FRK: variants seen among roughly 807,000 people sequenced by gnomAD.
The protein encoded by FRK is tyrosine-protein kinase FRK.
FRK carries 51 observed loss-of-function variants against 56.4 expected under a neutral mutation model. The observed-to-expected ratio is 0.90, with a 90% CI of 0.72 to 1.14. The LOEUF (loss-of-function observed/expected upper bound fraction) is 1.14, where lower values mean the gene tolerates loss of function less well. Ranked by LOEUF, FRK falls within the 50% of genes most tolerant of loss-of-function variation. The probability of loss-of-function intolerance (pLI) is 0.00; values close to 1 mark genes in which losing one functional copy is unlikely to be tolerated. For missense variants in FRK, 570 were observed against 601.4 expected, an observed-to-expected ratio of 0.95 and a Z score of 0.55; for synonymous variants, 245 against 217.9, an observed-to-expected ratio of 1.12 and a Z score of -1.10.
chr6:115,983,691 C>G (rs962068993), intron 2 of FRK, among the ~76,000 whole-genome samples: 4 of 152,124 alleles, frequency 2.6e-5, no homozygotes, highest in African/African-American at 7.2e-5. Flanking sequence ...TTAATTCTGG[C>G]TGGGCATTAT....
chr6:116,097,849 T>C, the FRK span, among the ~76,000 whole-genome samples: 1 of 152,306 alleles, frequency 6.6e-6, no homozygotes, highest in South Asian at 2.1e-4. Context: ...ACAAATAACA[T>C]AAACCCAAGT....
chr6:116,013,892 CA>C (rs1775555775), intron 1 of FRK, among the ~76,000 whole-genome samples: 1 of 151,988 alleles, frequency 6.6e-6, no homozygotes, highest in African/African-American at 2.4e-5. Flanking sequence ...GTTTCTCTTG[CA>C]AAAAGTAAAA....
chr6:116,039,444 T>C, intron 1 of FRK: 3 of 1,572,398 alleles, frequency 1.9e-6, no homozygotes, highest in Non-Finnish European at 2.6e-6. Context: ...TCCTCGTGGG[T>C]GATGCTTCCC....
chr6:116,079,130 C>A, the FRK span, among the ~76,000 whole-genome samples: 12 of 151,986 alleles, frequency 7.9e-5, no homozygotes, highest in Non-Finnish European at 1.5e-5. Context: ...CTCTCTCTAG[C>A]GGTGAAATTG....
intron 4 of FRK, among the ~76,000 whole-genome samples, chr6:115,957,779 T>C (rs1223987142): frequency 6.6e-6 from 1 of 152,208 alleles, no homozygotes; most frequent in Non-Finnish European, 1.5e-5. Context: ...ATCTCAACTC[T>C]CTGCCACTAG....
At chr6:115,981,585 C>T (rs921845454) in intron 2 of FRK, among the ~76,000 whole-genome samples, 8 of 152,008 alleles carry the variant, frequency 5.3e-5, no homozygotes, top group African/African-American at 1.9e-4. Context: ...AAAAGCCTTC[C>T]CCATAATGAG....
At chr6:116,012,202 T>A (rs776709561) in intron 1 of FRK, among the ~76,000 whole-genome samples, 103 of 152,160 alleles carry the variant, frequency 6.8e-4, no homozygotes, top group Non-Finnish European at 1.2e-3. Context: ...TCCCCCTTGC[T>A]CACACCACCA....
At chr6:116,019,760 G>A (rs916091932) in intron 1 of FRK, among the ~76,000 whole-genome samples, 3 of 152,196 alleles carry the variant, frequency 2.0e-5, no homozygotes, top group Admixed American at 2.0e-4. Flanking sequence ...AGAATAGAAA[G>A]TGGGGAGTAT....
chr6:116,039,609 C>A (rs539885259), intron 1 of FRK: 157 of 771,302 alleles, frequency 2.0e-4, no homozygotes, highest in Admixed American at 1.0e-3. Context: ...CCCCCTCTTG[C>A]GGCCTCATCC....
In FRK at chr6:116,030,806, C is replaced by A. The variant is rs151269171; in HGVS notation, c.345-26808G>T. Among the ~76,000 whole-genome samples the A allele has an allele frequency of 1.5e-3, 229 of 152,228 alleles. 1 individual carries two copies. Among genetic ancestry groups the A allele is most frequent in the Admixed American group, 2.4e-3 (37 of 15,272 alleles). ...GAGCCATTTGAGCAAACTAATCAAA[C>A]CCCAAGAGTGGGTCATGGGAAGCAC... On this transcript the variant is annotated intron_variant, in intron 1 of 7. Transcript: ENST00000606080.
the FRK span, among the ~76,000 whole-genome samples, chr6:116,100,623 A>G: frequency 1.8e-4 from 28 of 152,252 alleles, no homozygotes; most frequent in African/African-American, 5.5e-4. Context: ...CTGGACCCCT[A>G]CTGCCTTCTG....
At chr6:116,045,530 T>C (rs1776914950) in intron 1 of FRK, among the ~76,000 whole-genome samples, 1 of 152,202 alleles carries the variant, frequency 6.6e-6, no homozygotes, top group Non-Finnish European at 1.5e-5. Flanking sequence ...TGGCTAGCCA[T>C]ATGCAGAAAA....
At chr6:116,043,104 A>G (rs932538450) in intron 1 of FRK, among the ~76,000 whole-genome samples, 3 of 152,244 alleles carry the variant, frequency 2.0e-5, no homozygotes, top group Non-Finnish European at 4.4e-5. Flanking sequence ...TTAGAGACCT[A>G]CAAACAGACT....
chr6:116,100,343 T>C, the FRK span, among the ~76,000 whole-genome samples: 1 of 152,354 alleles, frequency 6.6e-6, no homozygotes, highest in South Asian at 2.1e-4. Flanking sequence ...CCAAGGAATA[T>C]AAAGTTTTTG....
intron 1 of FRK, among the ~76,000 whole-genome samples, chr6:116,047,312 T>C (rs1475893281): frequency 1.3e-5 from 2 of 151,856 alleles, no homozygotes; most frequent in African/African-American, 4.8e-5. Context: ...GTCAAGCCTT[T>C]GATAAATCAC....
intron 1 of FRK, among the ~76,000 whole-genome samples, chr6:116,038,193 TGTTTG>T: frequency 6.6e-6 from 1 of 152,330 alleles, no homozygotes; most frequent in East Asian, 1.9e-4. Context: ...CAGCCTGTCA[TGTTTG>T]GTTTACAATG....
Position 115,938,006 on chromosome 6 carries a change from C to T in FRK, c.*4408G>A, listed in dbSNP as rs1222169428. The T allele has an allele frequency of 6.6e-6, 1 of 152,190 alleles. No homozygotes were observed. Among genetic ancestry groups the T allele is most frequent in the African/African-American group, 2.4e-5 (1 of 41,458 alleles). 9.4% of individuals were successfully genotyped at this position (152,190 alleles called of 1,614,324 possible). ...CAGACATCTACAGAATTCTCTACCC[C>T]AAATCAACAGAATATACATTCTTCT... On this transcript the variant is annotated 3_prime_UTR_variant, in exon 8 of 8. Transcript: ENST00000606080.
chr6:116,005,624 T>C (rs1387085730), intron 1 of FRK, among the ~76,000 whole-genome samples: 23 of 152,194 alleles, frequency 1.5e-4, no homozygotes, highest in Non-Finnish European at 2.6e-4. Flanking sequence ...CAAATTGATG[T>C]CCATGGACTA....
At chr6:116,053,952 A>G (rs1210580773) in intron 1 of FRK, among the ~76,000 whole-genome samples, 1 of 152,068 alleles carries the variant, frequency 6.6e-6, no homozygotes, top group Non-Finnish European at 1.5e-5. Context: ...GGTATTAATT[A>G]AACTTCAACT....
Sources: allele counts gnomAD v4.1 joint callset (sites outside exome capture counted in the v4.1 genomes callset), GRCh38; gene constraint gnomAD v4.1.1; transcripts MANE v1.5; gene names NCBI Gene and HGNC (gene_info 2026-07-23, HGNC 2026-07-21).